The following YY1AP1 variants were observed in gnomAD, a reference collection of about 807,000 sequenced individuals.
YY1AP1 encodes YY1 associated protein 1, also known as YY1-associated protein 1.
Under a neutral mutation model 39.9 loss-of-function variants are expected in YY1AP1, and 43 were observed. The observed-to-expected ratio is 1.08, with a 90% CI of 0.84 to 1.39. YY1AP1 has a LOEUF of 1.39. YY1AP1 is among the 40% of genes most tolerant of loss of function. The pLI, the probability that YY1AP1 is intolerant of heterozygous loss-of-function variation, is 0.00. For synonymous variants in YY1AP1, 292 were observed against 331.3 expected, an observed-to-expected ratio of 0.88 and a Z score of 1.29; for missense variants, 813 against 900.7, an observed-to-expected ratio of 0.90 and a Z score of 1.25.
intron 9 of YY1AP1, among the ~76,000 whole-genome samples, chr1:155,661,955 C>T (rs1188045041): frequency 6.6e-6 from 1 of 152,174 alleles, no homozygotes; most frequent in Non-Finnish European, 1.5e-5. Context: ...CGCGCCCAGC[C>T]CTATTCAATA....
intron 1 of YY1AP1, 62 bp downstream of exon 1, chr1:155,688,597 C>CT: frequency 6.5e-7 from 1 of 1,536,054 alleles, no homozygotes; most frequent in Non-Finnish European, 8.7e-7. Flanking sequence ...ACCTCCTCGC[C>CT]CAGTTCTCCA....
intron 6 of YY1AP1, 50 bp downstream of exon 6, chr1:155,674,960 A>C: frequency 1.3e-6 from 2 of 1,518,744 alleles, no homozygotes; most frequent in Non-Finnish European, 1.8e-6. Flanking sequence ...TAACCTGCCA[A>C]GCTAATTTTA....
At chr1:155,681,589 CA>C (rs1320701202) in intron 2 of YY1AP1, among the ~76,000 whole-genome samples, 6 of 144,162 alleles carry the variant, frequency 4.2e-5, no homozygotes, top group African/African-American at 5.1e-5. Context: ...ACACTGTCTC[CA>C]AAAAAAAAAG....
downstream of YY1AP1, chr1:155,659,447 G>C: frequency 1.7e-6 from 1 of 590,316 alleles, no homozygotes; most frequent in South Asian, 2.1e-5. Flanking sequence ...ACAAATCAAT[G>C]AAACAATGAA....
chr1:155,683,067 CAA>C (rs2149070712), intron 2 of YY1AP1, among the ~76,000 whole-genome samples: 1 of 150,776 alleles, frequency 6.6e-6, no homozygotes, highest in African/African-American at 2.4e-5. Context: ...GCCTGGGCGA[CAA>C]GAGCGAAACT....
chr1:155,660,438 C>T lies in YY1AP1; in HGVS notation c.1472G>A (p.Arg491Lys), dbSNP rs964211983. 3.1e-6 allele frequency: 5 copies of T among 1,614,010 alleles called. No homozygotes were observed. The South Asian group carries it at 3.3e-5, about 11-fold the overall frequency. The change falls in exon 11 of 11, where the codon AGG (arginine) becomes AAG (lysine). Residue 491 changes from arginine to lysine, a missense_variant. Arg to Lys is a conservative substitution (Grantham distance 26). Transcript: ENST00000355499. ...GGACTCAGACAGAGGGAAGCTTGTC[C>T]TGGCCTCAGGGGGCATAGCAGGCAG... ...AALPAMPPEA[R>K]TSFPLSESQT...
chr1:155,661,717 G>A (rs1204981673), intron 9 of YY1AP1, among the ~76,000 whole-genome samples: 1 of 152,154 alleles, frequency 6.6e-6, no homozygotes, highest in South Asian at 2.1e-4. Flanking sequence ...GTGCAATGGC[G>A]CGATCTCCGC....
intron 6 of YY1AP1, among the ~76,000 whole-genome samples, chr1:155,674,322 C>CA (rs1294707934): frequency 5.9e-5 from 9 of 151,382 alleles, no homozygotes; most frequent in Non-Finnish European, 1.2e-4. Context: ...CAAAACAAAA[C>CA]AAAAAAAACA....
At chr1:155,682,795 A>G (rs532827476) in intron 2 of YY1AP1, among the ~76,000 whole-genome samples, 2 of 151,606 alleles carry the variant, frequency 1.3e-5, no homozygotes, top group Admixed American at 6.6e-5. Flanking sequence ...CAACAGAAGA[A>G]TTTTGCTCTT....
chr1:155,676,860 C>A (rs571347985), intron 4 of YY1AP1, 114 bp from the exon 5 acceptor site: 3 of 1,049,190 alleles, frequency 2.9e-6, no homozygotes, highest in Non-Finnish European at 4.2e-6. Context: ...ACTAATCCCC[C>A]CTTTTCACTT....
chr1:155,674,325 A>C (rs560230948), intron 6 of YY1AP1, among the ~76,000 whole-genome samples: 23 of 151,962 alleles, frequency 1.5e-4, no homozygotes, highest in African/African-American at 5.1e-4. Context: ...AACAAAACAA[A>C]AAAAACACAG....
intron 1 of YY1AP1, 124 bp from the exon 2 acceptor site, chr1:155,688,325 CGGCAGCGGCGGCAGCAGAGT>C: frequency 1.3e-6 from 2 of 1,548,740 alleles, no homozygotes; most frequent in Middle Eastern, 1.7e-4. Flanking sequence ...AAAATGGCGG[CGGCAGCGGCGGCAGCAGAGT>C]GGCCGCGGCA....
Position 155,661,442 on chromosome 1 carries a change from C to T in YY1AP1, c.880-19G>A, listed in dbSNP as rs767049700. Reference sequence around the variant, plus strand: ...TATAAAACTTAACATGAAAAAAATGCGCATGAATTACATTCCTTCTGGAAA... The same window carrying T: ...TATAAAACTTAACATGAAAAAAATGTGCATGAATTACATTCCTTCTGGAAA... On this transcript the variant is annotated intron_variant, in intron 9 of 10. Transcript: ENST00000355499. 33 of 1,612,826 alleles carry T rather than the reference C, an allele frequency of 2.0e-5. No homozygotes were observed. The East Asian group carries it at 2.9e-4, about 14-fold the overall frequency.
At position 155,660,597 on chromosome 1, in the gene YY1AP1, T is replaced by C. The variant is rs769169983; in HGVS notation, c.1313A>G (p.His438Arg). The stretch of plus-strand genomic sequence containing the variant: ...CATTTTGCTCGGAGGGGCTTCTGAA[T>C]GAGTTGATTGGGCTGGTGTTTTCCC... ...NPGKTPAQST[H>R]SEAPPSKMVL... Residue 438 changes from histidine (H) to arginine (R), a missense_variant, in exon 11 of 11, where the codon CAT becomes CGT. His to Arg is a conservative substitution (Grantham distance 29). Transcript: ENST00000355499. The C allele has an allele frequency of 1.2e-6, 2 of 1,614,104 alleles. No individual in the cohort carries two copies. The highest frequency in any genetic ancestry group is 1.7e-6 in the Non-Finnish European group (2 of 1,179,962).
At chr1:155,687,651 T>C (rs1229800716) in intron 2 of YY1AP1, among the ~76,000 whole-genome samples, 1 of 146,040 alleles carries the variant, frequency 6.8e-6, no homozygotes, top group South Asian at 2.1e-4. Flanking sequence ...CGTTCCCACA[T>C]ACCGTTCAAC....
At chr1:155,688,506 G>A (rs929403684) in intron 1 of YY1AP1, 153 bp downstream of exon 1, 6 of 1,547,338 alleles carry the variant, frequency 3.9e-6, no homozygotes, top group Admixed American at 3.9e-5. Flanking sequence ...GTGTCTACGG[G>A]CTCGTCGCTG....
In YY1AP1 at chr1:155,661,291, A is replaced by G. The variant is rs1648063802; in HGVS notation, c.996+16T>C. 6.2e-7 allele frequency: 1 copy of G among 1,613,858 alleles called. No individual in the cohort carries two copies. The highest frequency in any genetic ancestry group is 1.7e-5 in the Admixed American group (1 of 59,984). ...GACCTTCTGCCTCCTACAGACTTCG[A>G]GGAAGAGGGCTGTACCTTTAACCAG... On this transcript the variant is annotated intron_variant, in intron 10 of 10. Transcript: ENST00000355499.
intron 2 of YY1AP1, among the ~76,000 whole-genome samples, chr1:155,684,232 G>A (rs1000274675): frequency 6.6e-6 from 1 of 152,098 alleles, no homozygotes; most frequent in Non-Finnish European, 1.5e-5. Flanking sequence ...TGGGCGAGGA[G>A]AGCGAAACTC....
chr1:155,665,287 A>T (rs189280903), intron 9 of YY1AP1, among the ~76,000 whole-genome samples: 3,495 of 151,504 alleles, frequency 0.023, 44 homozygotes, highest in Non-Finnish European at 0.034. Context: ...AATTTTTTTT[A>T]AAAAAAAGCT....
Sources: allele counts gnomAD v4.1 joint callset (sites outside exome capture counted in the v4.1 genomes callset), GRCh38; gene constraint gnomAD v4.1.1; transcripts MANE v1.5; gene names NCBI Gene and HGNC (gene_info 2026-07-23, HGNC 2026-07-21).